Variants in SDK2 observed in about 807,000 individuals in gnomAD.
SDK2 encodes the protein protein sidekick-2.
SDK2 carries 105 observed loss-of-function variants against 253.9 expected under a neutral mutation model. The observed-to-expected ratio is 0.41, with a 90% CI of 0.35 to 0.49. The LOEUF is 0.49. Among genes scored for constraint, SDK2 ranks in the 20% least tolerant of loss-of-function variants. The probability of loss-of-function intolerance (pLI) is 0.06; values close to 1 mark genes in which losing one functional copy is unlikely to be tolerated. For missense variants in SDK2, 2,608 were observed against 3,003.0 expected (o/e 0.87, Z 3.07); for synonymous variants, 1,249 against 1,234.9 (o/e 1.01, Z -0.24).
In SDK2 at chr17:73,588,959, C is replaced by A. The variant is rs534982210; in HGVS notation, c.64+55066G>T. On this transcript the variant is annotated intron_variant, in intron 1 of 44. Transcript: ENST00000392650. ...GAGAAGCCACTAATCCGTGATCTCA[C>A]AGCTGGTGAGCACCAGGGCAGGGTT... 3.3e-5 allele frequency among the ~76,000 whole-genome samples: 5 copies of A among 152,392 alleles called. No individual in the cohort carries two copies. The South Asian group carries it at 1.0e-3, about 32-fold the overall frequency.
chr17:73,493,039 C>T (rs1483013565), intron 2 of SDK2, among the ~76,000 whole-genome samples: 1 of 152,172 alleles, frequency 6.6e-6, no homozygotes, highest in African/African-American at 2.4e-5. Flanking sequence ...GTCTCCAGCC[C>T]AGCTGTGTGC....
intron 1 of SDK2, among the ~76,000 whole-genome samples, chr17:73,571,720 C>T (rs1007696866): frequency 6.6e-6 from 1 of 152,212 alleles, no homozygotes. Flanking sequence ...GTTTCCCGCC[C>T]GGCCTGCCTT....
chr17:73,613,310 C>A (rs909975971), intron 1 of SDK2, among the ~76,000 whole-genome samples: 2 of 152,042 alleles, frequency 1.3e-5, no homozygotes, highest in Non-Finnish European at 2.9e-5. Context: ...TCCCTGGAGA[C>A]GCCAATGAGC....
intron 13 of SDK2, 76 bp from the exon 14 acceptor site, chr17:73,423,598 G>C: frequency 7.0e-7 from 1 of 1,425,686 alleles, no homozygotes; most frequent in East Asian, 2.5e-5. Flanking sequence ...GACACAGGTT[G>C]TGTAGGCCTT....
chr17:73,412,648 G>A (rs2063148786), intron 18 of SDK2, among the ~76,000 whole-genome samples: 1 of 152,094 alleles, frequency 6.6e-6, no homozygotes, highest in East Asian at 1.9e-4. Context: ...AGGCGCGGTG[G>A]CTCATGCCAG....
chr17:73,469,981 T>TGC (rs10622822), intron 3 of SDK2, among the ~76,000 whole-genome samples: 6,204 of 129,418 alleles, frequency 0.048, 184 homozygotes, highest in East Asian at 0.08. Context: ...CATTTGCGAC[T>TGC]GCGCGCGCGC....
intron 2 of SDK2, among the ~76,000 whole-genome samples, chr17:73,485,666 A>G (rs11653567): frequency 0.42 from 64,497 of 152,104 alleles, 13,802 homozygotes; most frequent in East Asian, 0.49. Context: ...AAAATATAAC[A>G]ATATCAAGTG....
intron 12 of SDK2, among the ~76,000 whole-genome samples, chr17:73,424,343 A>G (rs1173905160): frequency 1.3e-5 from 2 of 152,130 alleles, no homozygotes; most frequent in Non-Finnish European, 1.5e-5. Context: ...ATTGGTCGTT[A>G]CACCTTCAGT....
chr17:73,571,357 G>A (rs532455080), intron 1 of SDK2, among the ~76,000 whole-genome samples: 2 of 152,248 alleles, frequency 1.3e-5, no homozygotes, highest in African/African-American at 2.4e-5. Flanking sequence ...GCACCAGGGC[G>A]AAGACACTGA....
intron 1 of SDK2, among the ~76,000 whole-genome samples, chr17:73,554,280 A>G (rs1467165706): frequency 6.6e-6 from 1 of 152,186 alleles, no homozygotes; most frequent in Non-Finnish European, 1.5e-5. Flanking sequence ...CCACTTCCAC[A>G]CTGTTATGAG....
chr17:73,540,505 A>G (rs2044851340), intron 1 of SDK2, among the ~76,000 whole-genome samples: 2 of 152,254 alleles, frequency 1.3e-5, no homozygotes, highest in Non-Finnish European at 2.9e-5. Flanking sequence ...TCCTAACAGA[A>G]TATGGGACTA....
chr17:73,349,130 G>A (rs768697217), intron 43 of SDK2, among the ~76,000 whole-genome samples: 67 of 152,200 alleles, frequency 4.4e-4, no homozygotes, highest in Non-Finnish European at 7.6e-4. Context: ...GTGAGGCCAC[G>A]TGTGAAATGC....
At chr17:73,628,965 C>T (rs748197941) in intron 1 of SDK2, among the ~76,000 whole-genome samples, 6 of 152,202 alleles carry the variant, frequency 3.9e-5, no homozygotes, top group Non-Finnish European at 8.8e-5. Flanking sequence ...ATGGGTCCAG[C>T]TGTTCTGCAG....
chr17:73,547,998 G>A (rs768645883), intron 1 of SDK2, among the ~76,000 whole-genome samples: 10 of 152,178 alleles, frequency 6.6e-5, no homozygotes, highest in Non-Finnish European at 1.5e-4. Context: ...GAGAGAGATG[G>A]GGAAGTGCCA....
intron 9 of SDK2, among the ~76,000 whole-genome samples, chr17:73,434,416 C>A (rs1463140992): frequency 6.6e-6 from 1 of 152,216 alleles, no homozygotes; most frequent in Non-Finnish European, 1.5e-5. Context: ...TTCACCTGCA[C>A]TTGGAAGCCA....
Position 73,350,238 on chromosome 17 carries a change from T to A in SDK2, c.6037A>T (p.Arg2013Trp). 1.2e-6 allele frequency: 1 copy of A among 804,940 alleles called. No individual in the cohort carries two copies. The highest frequency in any genetic ancestry group is 1.6e-6 in the Non-Finnish European group (1 of 615,620). The allele number at this position is 804,940 out of a possible 1,614,324, so 49.9% of individuals were successfully genotyped here. ...SFCRKNGLYTRSPPRPSPGSL... is the reference protein window; with the variant it reads ...SFCRKNGLYTWSPPRPSPGSL... ...CAACCCACGCAGAGGGCCCAGTACC[T>A]GGTGTACAGGCCGTTCTTTCGGCAG... is the stretch of plus-strand genomic sequence containing the variant. Residue 2013 changes from arginine to tryptophan, a missense_variant and splice_region_variant, in exon 43 of 45, where the codon AGG (arginine) becomes TGG (tryptophan). By Grantham distance (101) the Arg-to-Trp change is moderately radical (BLOSUM62 -3). Coordinates refer to ENST00000392650, the MANE Select transcript of SDK2 (RefSeq NM_001144952.2).
chr17:73,359,481 C>T (rs2062623049), intron 39 of SDK2, among the ~76,000 whole-genome samples: 1 of 152,130 alleles, frequency 6.6e-6, no homozygotes, highest in Admixed American at 6.5e-5. Context: ...GGGCAGGCAG[C>T]CCTCAGGACC....
chr17:73,515,120 A>G (rs1301744974), intron 1 of SDK2, among the ~76,000 whole-genome samples: 1 of 152,226 alleles, frequency 6.6e-6, no homozygotes, highest in African/African-American at 2.4e-5. Flanking sequence ...GGAAACCACT[A>G]TCATTTTCCC....
At chr17:73,394,387 T>A (rs1555758497) in intron 25 of SDK2, 63 bp from the exon 26 acceptor site, 6 of 1,145,386 alleles carry the variant, frequency 5.2e-6, no homozygotes, top group Non-Finnish European at 7.1e-6. Context: ...GCAAGGGAAG[T>A]GGACCAGGAC....
Sources: gnomAD v4.1 joint callset for allele counts (sites outside exome capture counted in the v4.1 genomes callset) on GRCh38, gnomAD v4.1.1 for gene constraint, MANE v1.5 for transcripts, NCBI Gene and HGNC (gene_info 2026-07-23, HGNC 2026-07-21) for gene names.